Variants in RARA observed in about 807,000 individuals in gnomAD.
The protein encoded by RARA is retinoic acid receptor alpha.
RARA carries 5 observed loss-of-function variants against 42.8 expected under a neutral mutation model. The ratio of observed to expected loss-of-function variants is 0.12; its 90% CI spans 0.06 to 0.25. RARA has a LOEUF of 0.25. Ranked by LOEUF, RARA falls within the 10% of genes least tolerant of loss-of-function variation. The pLI is 1.00. For synonymous variants in RARA, 256 were observed against 259.5 expected (o/e 0.99, Z 0.13); for missense variants, 402 against 628.7 (o/e 0.64, Z 3.86).
intron 1 of RARA, among the ~76,000 whole-genome samples, chr17:40,319,389 G>C (rs2143186551): frequency 6.6e-6 from 1 of 152,324 alleles, no homozygotes; most frequent in African/African-American, 2.4e-5. Context: ...CAGATGCCCA[G>C]TGTGATGGCC....
rs2033051435 is a variant in RARA at position 40,309,294 on chromosome 17, C to T, written c.-363+8C>T. On this transcript the variant is annotated splice_region_variant and intron_variant, in intron 1 of 8. Transcript: ENST00000254066. ...CAGCACACACCTGAGCAGGTAGGACCATGCACACCCCTTCCCAATTCTTTG... is the reference window on the plus strand; with the variant it reads ...CAGCACACACCTGAGCAGGTAGGACTATGCACACCCCTTCCCAATTCTTTG... 6.6e-6 allele frequency: 1 copy of T among 152,462 alleles called. No homozygotes were observed. The highest frequency in any genetic ancestry group is 2.4e-5 in the African/African-American group (1 of 41,474). The allele number at this position is 152,462 out of a possible 1,614,324, so 9.4% of individuals were successfully genotyped here.
In RARA at chr17:40,355,340, C is replaced by A. The variant is rs758706699; in HGVS notation, c.1090C>A (p.Arg364=). The A allele has an allele frequency of 3.7e-6, 6 of 1,612,994 alleles. No individual in the cohort carries two copies. Among genetic ancestry groups the A allele is most frequent in the Admixed American group, 1.7e-5 (1 of 59,946 alleles). ...PLLEALKVYV[R]KRRPSRPHMF... is the part of the protein sequence containing the mutation. ...GCTGGAGGCGCTAAAGGTCTACGTG[C>A]GGAAGCGGAGGCCCAGCCGCCCCCA... The change falls in exon 8 of 9, where the codon CGG becomes AGG. Residue 364 remains arginine (R), a synonymous_variant. Transcript: ENST00000254066. The surrounding 1 kb of genome is among the most constrained non-coding windows in gnomAD (Gnocchi z 4.1).
chr17:40,340,304 T>A (rs1332364209), intron 2 of RARA, among the ~76,000 whole-genome samples: 1 of 152,176 alleles, frequency 6.6e-6, no homozygotes, highest in African/African-American at 2.4e-5. Flanking sequence ...AAAGATCTTT[T>A]TACACTGTAA....
chr17:40,321,506 T>C (rs1225171609), intron 1 of RARA, among the ~76,000 whole-genome samples: 1 of 152,126 alleles, frequency 6.6e-6, no homozygotes, highest in African/African-American at 2.4e-5. Flanking sequence ...GGAAATGAAA[T>C]AGGTGCTATG....
chr17:40,321,490 T>G (rs903887899), intron 1 of RARA, among the ~76,000 whole-genome samples: 14 of 152,184 alleles, frequency 9.2e-5, no homozygotes, highest in African/African-American at 3.4e-4. Flanking sequence ...CCACCTGGCA[T>G]CATGGGGAAA....
intron 4 of RARA, 99 bp downstream of exon 4, chr17:40,350,024 G>T: frequency 6.6e-7 from 1 of 1,509,910 alleles, no homozygotes; most frequent in Non-Finnish European, 9.0e-7. Flanking sequence ...TTGTGCACAT[G>T]CATGAACACG....
Position 40,355,807 on chromosome 17 carries a change from G to A in RARA, c.1172-202G>A, listed in dbSNP as rs773335377. On this transcript the variant is annotated intron_variant, in intron 8 of 8. Transcript: ENST00000254066. This position sits in a 1 kb window ranked among gnomAD's most constrained non-coding sequence, Gnocchi z 4.1. ...AGGCCGGCAGTCTGGCCCTGGAGCC[G>A]GAGTTCGGGACCACTTTGCCCCATT... 2.6e-5 allele frequency among the ~76,000 whole-genome samples: 4 copies of A among 152,382 alleles called. No homozygotes were observed. Among genetic ancestry groups the A allele is most frequent in the Middle Eastern group, 3.4e-3 (1 of 294 alleles).
chr17:40,321,833 C>A (rs2033394672), intron 1 of RARA, among the ~76,000 whole-genome samples: 1 of 152,208 alleles, frequency 6.6e-6, no homozygotes, highest in South Asian at 2.1e-4. Context: ...ACCCCCCCAA[C>A]TGGATATGCC....
In RARA at chr17:40,356,213, C is replaced by A; in HGVS notation, c.1376C>A (p.Thr459Asn). 1 of 1,549,968 alleles carries A rather than the reference C, an allele frequency of 6.5e-7. No homozygotes were observed. Residue 459 changes from threonine to asparagine, a missense_variant, in exon 9 of 9, where the codon ACC (threonine) becomes AAC (asparagine). By Grantham distance (65) the Thr-to-Asn change is moderately conservative. Coordinates refer to ENST00000254066, the MANE Select transcript of RARA (RefSeq NM_000964.4). ...SPSSNRSSPA[T>N]HSP ...AGCTCCAACAGAAGCAGCCCGGCCA[C>A]CCACTCCCCGTGACCGCCCACGCCA... is the stretch of plus-strand genomic sequence containing the variant.
At chr17:40,350,599 A>ACGCCTCCTTGTCTGCGTGGC (rs2034410170) in intron 4 of RARA, 1 of 151,176 alleles carries the variant, frequency 6.6e-6, no homozygotes. Flanking sequence ...ACGCTGACAG[A>ACGCCTCCTTGTCTGCGTGGC]CGCCTCCTTG....
At chr17:40,336,066 A>C (rs1203012765) in intron 2 of RARA, among the ~76,000 whole-genome samples, 7 of 152,104 alleles carry the variant, frequency 4.6e-5, no homozygotes, top group Non-Finnish European at 1.0e-4. Flanking sequence ...CTCTCTGAGC[A>C]TGTTTCTTTT....
In RARA at chr17:40,331,415, G is replaced by A. The variant is rs2143279836; in HGVS notation, c.178+19G>A. 6.2e-7 allele frequency: 1 copy of A among 1,607,960 alleles called. No individual in the cohort carries two copies. Among genetic ancestry groups the A allele is most frequent in the Non-Finnish European group, 8.5e-7 (1 of 1,176,808 alleles). ...CCAGCCAGTAAGTCTGGGTGTGGGG[G>A]CTGGGGTGGGAAGGGACTGTGGAGG... On this transcript the variant is annotated intron_variant, in intron 2 of 8. Transcript: ENST00000254066.
rs776997866 is a variant in RARA, at chr17:40,356,440, C to T, written c.*214C>T. The T allele has an allele frequency of 3.8e-4, 274 of 715,974 alleles. 3 individuals carry two copies. The highest frequency in any genetic ancestry group is 8.3e-4 in the Admixed American group (41 of 49,610). The allele number at this position is 715,974 out of a possible 1,614,324, so 44.4% of individuals were successfully genotyped here. A position where few individuals can be genotyped will look rare whatever the true frequency, so the allele number is the denominator to read the frequency against. ...TGCCTGCTCCCACAGCCTGGGCTGA[C>T]GTCAGAGGCCGAGGCCAGGAACTGA... On this transcript the variant is annotated 3_prime_UTR_variant, in exon 9 of 9. Coordinates refer to ENST00000254066, the MANE Select transcript of RARA (RefSeq NM_000964.4).
Position 40,349,945 on chromosome 17 carries a change from G to A in RARA, c.469+20G>A, listed in dbSNP as rs756113408. The A allele has an allele frequency of 2.5e-6, 4 of 1,612,216 alleles. No homozygotes were observed. The highest frequency in any genetic ancestry group is 3.4e-6 in the Non-Finnish European group (4 of 1,178,610). On this transcript the variant is annotated intron_variant, in intron 4 of 8. Coordinates refer to ENST00000254066, the MANE Select transcript of RARA (RefSeq NM_000964.4). The stretch of plus-strand genomic sequence containing the variant: ...AGGAGTGTGAGTGCCATAGGGCAGG[G>A]GCCGAGTCCCGCCTCAGTTGGGGTC...
At chr17:40,319,795 G>C (rs2033322784) in intron 1 of RARA, among the ~76,000 whole-genome samples, 1 of 152,094 alleles carries the variant, frequency 6.6e-6, no homozygotes, top group South Asian at 2.1e-4. Flanking sequence ...GGGTGGCTTG[G>C]AGCCTTGGGG....
intron 2 of RARA, chr17:40,342,242 C>G: frequency 1.9e-6 from 2 of 1,056,888 alleles, no homozygotes; most frequent in African/African-American, 1.7e-5. Context: ...ATCCCCACCC[C>G]CACCCGGAAT....
chr17:40,334,340 C>T (rs1171089795), intron 2 of RARA, among the ~76,000 whole-genome samples: 1 of 152,102 alleles, frequency 6.6e-6, no homozygotes, highest in African/African-American at 2.4e-5. Context: ...GGTTTCCCTG[C>T]CCCTCCCCTC....
At chr17:40,314,992 T>C (rs909401210) in intron 1 of RARA, among the ~76,000 whole-genome samples, 1 of 151,080 alleles carries the variant, frequency 6.6e-6, no homozygotes, top group Non-Finnish European at 1.5e-5. Flanking sequence ...TGTGATCCAC[T>C]AAGGGGTGAA....
At chr17:40,337,536 G>A (rs781444407) in intron 2 of RARA, among the ~76,000 whole-genome samples, 2 of 151,790 alleles carry the variant, frequency 1.3e-5, no homozygotes, top group African/African-American at 2.4e-5. Flanking sequence ...TGTAGCCCAC[G>A]GGAGTTTGCA....
Sources: gnomAD v4.1 joint callset for allele counts (sites outside exome capture counted in the v4.1 genomes callset) on GRCh38, gnomAD v4.1.1 for gene constraint, Gnocchi (gnomAD v3.1) non-coding constraint, MANE v1.5 for transcripts, NCBI Gene and HGNC (gene_info 2026-07-23, HGNC 2026-07-21) for gene names.